Variants in LRRC69 observed in about 807,000 individuals in gnomAD.
LRRC69 encodes the protein leucine rich repeat containing 69, also known as leucine-rich repeat-containing protein 69.
LRRC69 carries 42 observed loss-of-function variants against 37.8 expected under a neutral mutation model. The ratio of observed to expected loss-of-function variants is 1.11; its 90% CI spans 0.87 to 1.44. The LOEUF is 1.44. Among genes scored for constraint, LRRC69 ranks in the 40% most tolerant of loss-of-function variants. The probability of loss-of-function intolerance (pLI) is 0.00; values close to 1 mark genes in which losing one functional copy is unlikely to be tolerated. For synonymous variants in LRRC69, 141 were observed against 143.1 expected, an observed-to-expected ratio of 0.99 and a Z score of 0.11; for missense variants, 357 against 401.9, an observed-to-expected ratio of 0.89 and a Z score of 0.96.
intron 5 of LRRC69, among the ~76,000 whole-genome samples, chr8:91,147,270 ATATAT>A (rs1003329875): frequency 8.4e-4 from 14 of 16,604 alleles, no homozygotes; most frequent in South Asian, 2.4e-3. Context: ...ATATATAAAC[ATATAT>A]TATATATAAA....
intron 5 of LRRC69, among the ~76,000 whole-genome samples, chr8:91,155,936 C>A: frequency 6.8e-6 from 1 of 146,438 alleles, no homozygotes; most frequent in East Asian, 2.0e-4. Context: ...ATACACACAC[C>A]ATATATATAT....
rs1295916387 is a variant in LRRC69 at position 91,200,560 on chromosome 8, G to A, written c.754-53G>A. 11 of 1,149,388 alleles carry A rather than the reference G, an allele frequency of 9.6e-6. No homozygotes were observed. In the South Asian group the frequency reaches 1.8e-4, roughly 19 times the overall value. 71.2% of individuals were successfully genotyped at this position (1,149,388 alleles called of 1,614,324 possible). ...CTAATGAAATGGAAATCAATGTAAT[G>A]TAAAATAGTTTTGAAAACAATCTGA... is the stretch of plus-strand genomic sequence containing the variant. On this transcript the variant is annotated intron_variant, in intron 6 of 7. Coordinates refer to ENST00000448384, the Ensembl canonical transcript of LRRC69.
At chr8:91,155,948 T>G (rs1471844612) in intron 5 of LRRC69, among the ~76,000 whole-genome samples, 1 of 149,672 alleles carries the variant, frequency 6.7e-6, no homozygotes, top group Non-Finnish European at 1.5e-5. Context: ...TATATATATA[T>G]GAAACATTTT....
At chr8:91,106,380 A>G (rs1813311987) in intron 1 of LRRC69, among the ~76,000 whole-genome samples, 1 of 152,054 alleles carries the variant, frequency 6.6e-6, no homozygotes. Flanking sequence ...AATGCAAAGT[A>G]TTAACATAGT....
At chr8:91,173,170 G>T (rs538329927) in intron 5 of LRRC69, among the ~76,000 whole-genome samples, 1 of 151,946 alleles carries the variant, frequency 6.6e-6, no homozygotes, top group East Asian at 1.9e-4. Context: ...TGGCTATGGG[G>T]TAGAGTAGGT....
At chr8:91,127,871 C>T (rs185810063) in intron 3 of LRRC69, among the ~76,000 whole-genome samples, 17 of 152,058 alleles carry the variant, frequency 1.1e-4, no homozygotes, top group Admixed American at 5.9e-4. Flanking sequence ...TTTGAACAGT[C>T]CTCAACACAG....
At position 91,158,018 on chromosome 8, in the gene LRRC69, G is replaced by T. The variant is rs1207779863; in HGVS notation, c.651+22279G>T. 6.8e-6 allele frequency: 9 copies of T among 1,332,070 alleles called. No individual in the cohort carries two copies. The East Asian group carries it at 2.1e-4, about 31-fold the overall frequency. The allele number at this position is 1,332,070 out of a possible 1,614,324, so 82.5% of individuals were successfully genotyped here. A position where few individuals can be genotyped will look rare whatever the true frequency, so the allele number is the denominator to read the frequency against. Reference sequence around the variant, plus strand: ...TCTAGGTCTACAACTTCATGCAGATGTTGGAGACAAAGTCAAAATTATCTT... The same window carrying T: ...TCTAGGTCTACAACTTCATGCAGATTTTGGAGACAAAGTCAAAATTATCTT... On this transcript the variant is annotated intron_variant, in intron 5 of 7. Coordinates refer to ENST00000448384, the Ensembl canonical transcript of LRRC69.
chr8:91,145,153 A>G lies in LRRC69; in HGVS notation c.651+9414A>G, dbSNP rs1020582492. 6.6e-5 allele frequency among the ~76,000 whole-genome samples: 10 copies of G among 151,994 alleles called. No individual in the cohort carries two copies. The South Asian group carries it at 2.1e-3, about 31-fold the overall frequency. ...TTGTGGGAAAGAAACTCCTTGGGAA[A>G]GTGAAATTGTGGTTTGCCTTGTATC... On this transcript the variant is annotated intron_variant, in intron 5 of 7. Transcript: ENST00000448384.
chr8:91,133,678 A>C (rs1813851465), intron 4 of LRRC69, among the ~76,000 whole-genome samples: 1 of 152,058 alleles, frequency 6.6e-6, no homozygotes, highest in African/African-American at 2.4e-5. Context: ...TCTGTTGCCT[A>C]GGCTGGAGTG....
intron 5 of LRRC69, among the ~76,000 whole-genome samples, chr8:91,151,954 A>G (rs1229039494): frequency 6.6e-6 from 1 of 151,542 alleles, no homozygotes; most frequent in East Asian, 1.9e-4. Context: ...TCTTTTGAGA[A>G]GTGTGTTCGT....
At position 91,102,852 on chromosome 8, in the gene LRRC69, A is replaced by G; in HGVS notation, c.183+8A>G. On this transcript the variant is annotated splice_region_variant and intron_variant, in intron 1 of 7. Transcript: ENST00000448384. The stretch of plus-strand genomic sequence containing the variant: ...TTATGCAACTTGACCCAGGTGAGGA[A>G]CAGTGTTTTGCTGTTGTGGTTTGGT... The G allele has an allele frequency of 1.9e-6, 3 of 1,539,426 alleles. No individual in the cohort carries two copies. The highest frequency in any genetic ancestry group is 2.6e-6 in the Non-Finnish European group (3 of 1,142,044).
intron 3 of LRRC69, chr8:91,130,259 G>GTTTGTTT (rs1240343789): frequency 2.0e-5 from 3 of 151,668 alleles, no homozygotes; most frequent in Non-Finnish European, 4.4e-5. Flanking sequence ...TAGTTCATTG[G>GTTTGTTT]TTTGTTTTTT....
chr8:91,169,897 C>T (rs1809097137), intron 5 of LRRC69, among the ~76,000 whole-genome samples: 1 of 122,372 alleles, frequency 8.2e-6, no homozygotes, highest in Non-Finnish European at 1.7e-5. Flanking sequence ...TGTATATGTG[C>T]CACATTTTCT....
chr8:91,177,677 T>C (rs4446697), intron 5 of LRRC69, among the ~76,000 whole-genome samples: 102,794 of 151,904 alleles, frequency 0.68, 35,274 homozygotes, highest in African/African-American at 0.74. Flanking sequence ...AAGCAGAAAG[T>C]GAACAAGGGG....
At position 91,218,781 on chromosome 8, in the gene LRRC69, C is replaced by G. The variant is rs984294176; in HGVS notation, c.934-109C>G. The G allele has an allele frequency of 6.4e-6, 4 of 628,458 alleles. 1 individual carries two copies. Among genetic ancestry groups the G allele is most frequent in the Admixed American group, 3.2e-5 (1 of 31,576 alleles). 38.9% of individuals were successfully genotyped at this position (628,458 alleles called of 1,614,324 possible). A position where few individuals can be genotyped will look rare whatever the true frequency, so the allele number is the denominator to read the frequency against. ...CAAATCAAGCATAAATAGAATAGTG[C>G]GTCTTTAGAAGTCAATGTTCTGAAA... is the stretch of plus-strand genomic sequence containing the variant. On this transcript the variant is annotated intron_variant, in intron 7 of 7. Transcript: ENST00000448384.
At chr8:91,116,865 C>G (rs545480015) in intron 1 of LRRC69, among the ~76,000 whole-genome samples, 1 of 152,008 alleles carries the variant, frequency 6.6e-6, no homozygotes, top group Non-Finnish European at 1.5e-5. Flanking sequence ...CCTTAAATTT[C>G]TTGTCTTCTC....
chr8:91,141,024 T>TTTTA (rs1421766383), intron 5 of LRRC69, among the ~76,000 whole-genome samples: 2 of 152,140 alleles, frequency 1.3e-5, no homozygotes, highest in African/African-American at 4.8e-5. Context: ...TTTCTGACAT[T>TTTTA]TTTATTTATT....
intron 1 of LRRC69, among the ~76,000 whole-genome samples, chr8:91,104,319 A>C (rs1468160774): frequency 6.6e-6 from 1 of 151,970 alleles, no homozygotes; most frequent in Non-Finnish European, 1.5e-5. Flanking sequence ...TTACTTTTAT[A>C]ACACTTACAG....
At chr8:91,203,163 G>C (rs1040088018) in intron 7 of LRRC69, among the ~76,000 whole-genome samples, 4 of 152,070 alleles carry the variant, frequency 2.6e-5, no homozygotes, top group African/African-American at 4.8e-5. Flanking sequence ...CTCCTATCTA[G>C]TCTGTTAGGC....
Sources: allele counts gnomAD v4.1 joint callset (sites outside exome capture counted in the v4.1 genomes callset), GRCh38; gene constraint gnomAD v4.1.1; transcripts MANE v1.5; gene names NCBI Gene and HGNC (gene_info 2026-07-23, HGNC 2026-07-21).